The following PLCZ1 variants were observed in gnomAD, a reference collection of about 807,000 sequenced individuals.
PLCZ1 encodes 1-phosphatidylinositol 4,5-bisphosphate phosphodiesterase zeta-1.
Under a neutral mutation model 76.8 loss-of-function variants are expected in PLCZ1, and 64 were observed. The observed-to-expected ratio is 0.83, with a 90% CI of 0.68 to 1.03. The LOEUF is 1.03. PLCZ1 is among the 50% of genes least tolerant of loss of function. The probability of loss-of-function intolerance (pLI) is 0.00; values close to 1 mark genes in which losing one functional copy is unlikely to be tolerated. For synonymous variants in PLCZ1, 248 were observed against 230.8 expected (o/e 1.07, Z -0.68); for missense variants, 751 against 713.7 (o/e 1.05, Z -0.60).
At chr12:18,653,766 G>C in the PLCZ1 span, among the ~76,000 whole-genome samples, 3 of 152,054 alleles carry the variant, frequency 2.0e-5, no homozygotes, top group African/African-American at 7.2e-5. Context: ...TCAAACTACA[G>C]CTGCAATTAT....
At chr12:18,715,410 G>A (rs1310266007) in intron 5 of PLCZ1, among the ~76,000 whole-genome samples, 1 of 146,850 alleles carries the variant, frequency 6.8e-6, no homozygotes, top group Non-Finnish European at 1.5e-5. Context: ...TTTTTTTTTT[G>A]TTTTTTTTAG....
intron 1 of PLCZ1, chr12:18,737,726 T>C (rs1258812921): frequency 4.8e-6 from 2 of 419,170 alleles, no homozygotes; most frequent in African/African-American, 4.0e-5. Flanking sequence ...ACTGCCATTG[T>C]ATCTCCTTTT....
chr12:18,658,450 T>A, the PLCZ1 span, among the ~76,000 whole-genome samples: 2 of 152,054 alleles, frequency 1.3e-5, no homozygotes, highest in East Asian at 3.9e-4. Context: ...GAGAAGCAAG[T>A]CATTATGCAC....
intron 12 of PLCZ1, among the ~76,000 whole-genome samples, chr12:18,692,494 T>G (rs902527564): frequency 1.3e-5 from 2 of 152,160 alleles, no homozygotes; most frequent in East Asian, 3.9e-4. Context: ...CTTAGACAAC[T>G]GCTTTTATGC....
At chr12:18,695,551 A>C (rs1382470063) in intron 11 of PLCZ1, among the ~76,000 whole-genome samples, 1 of 152,038 alleles carries the variant, frequency 6.6e-6, no homozygotes, top group South Asian at 2.1e-4. Flanking sequence ...TAGCCTGGTA[A>C]ATAGCCACTG....
chr12:18,676,059 G>C, the PLCZ1 span, among the ~76,000 whole-genome samples: 5 of 151,938 alleles, frequency 3.3e-5, no homozygotes, highest in African/African-American at 1.2e-4. Flanking sequence ...CCATCAACAC[G>C]AGTCAATAGA....
the PLCZ1 span, among the ~76,000 whole-genome samples, chr12:18,671,716 G>C: frequency 3.3e-5 from 5 of 151,968 alleles, no homozygotes; most frequent in Non-Finnish European, 7.4e-5. Flanking sequence ...ATGAAGAAAA[G>C]GGAAATTTGA....
chr12:18,693,069 A>G, intron 12 of PLCZ1: 1 of 1,491,984 alleles, frequency 6.7e-7, no homozygotes, highest in Non-Finnish European at 9.3e-7. Context: ...GAAAAGATCA[A>G]AAGTGGATGA....
intron 5 of PLCZ1, among the ~76,000 whole-genome samples, chr12:18,716,122 G>A (rs927580778): frequency 1.8e-4 from 27 of 152,172 alleles, no homozygotes; most frequent in Non-Finnish European, 2.9e-4. Flanking sequence ...TAATTTCTAT[G>A]GAAGAATGTT....
chr12:18,658,682 GTAACTT>G, the PLCZ1 span, among the ~76,000 whole-genome samples: 1 of 152,024 alleles, frequency 6.6e-6, no homozygotes, highest in Non-Finnish European at 1.5e-5. Context: ...TAACCGACCT[GTAACTT>G]TAAGTATTTG....
At chr12:18,723,232 T>G in intron 4 of PLCZ1, 79 bp downstream of exon 4, 1 of 1,253,128 alleles carries the variant, frequency 8.0e-7, no homozygotes, top group Non-Finnish European at 1.1e-6. Context: ...AAAAATACTT[T>G]GCTTTGAAAT....
intron 6 of PLCZ1, among the ~76,000 whole-genome samples, chr12:18,708,181 A>G (rs1027393977): frequency 6.6e-6 from 1 of 151,864 alleles, no homozygotes; most frequent in African/African-American, 2.4e-5. Flanking sequence ...CTCCCTCCCC[A>G]CACCTCGTTC....
At chr12:18,719,259 C>T (rs1020366581) in intron 5 of PLCZ1, among the ~76,000 whole-genome samples, 172 bp downstream of exon 5, 7 of 152,146 alleles carry the variant, frequency 4.6e-5, no homozygotes, top group African/African-American at 1.4e-4. Context: ...GTTGCCACTT[C>T]ATCCAAATGT....
chr12:18,710,956 C>T (rs970334765), intron 6 of PLCZ1, among the ~76,000 whole-genome samples: 12 of 151,966 alleles, frequency 7.9e-5, no homozygotes. Context: ...CTAGTTCAAC[C>T]ATTGTGGAAG....
In PLCZ1 at chr12:18,683,284, G is replaced by T. The variant is rs1235794078; in HGVS notation, c.1782C>A (p.Ser594Arg). Residue 594 changes from serine (S) to arginine (R), a missense_variant, in exon 15 of 15, where the codon AGC becomes AGA. Coordinates refer to ENST00000266505, the MANE Select transcript of PLCZ1 (RefSeq NM_033123.4). ...RIPLFSRMGESLEPASLFVYV... is the reference protein window; with the variant it reads ...RIPLFSRMGERLEPASLFVYV... ...AAACAAACAGTGAAGCAGGCTCAAG[G>T]CTCTCACCCATTCTGGAAAACAGAG... 1.9e-6 allele frequency: 3 copies of T among 1,612,444 alleles called. No individual in the cohort carries two copies. Among genetic ancestry groups the T allele is most frequent in the Admixed American group, 1.7e-5 (1 of 59,826 alleles).
At chr12:18,717,711 T>A (rs973443213) in intron 5 of PLCZ1, among the ~76,000 whole-genome samples, 1 of 152,140 alleles carries the variant, frequency 6.6e-6, no homozygotes, top group African/African-American at 2.4e-5. Context: ...AATTTGGTTA[T>A]TGGAATGAAC....
chr12:18,708,920 G>A, intron 6 of PLCZ1, among the ~76,000 whole-genome samples: 1 of 152,010 alleles, frequency 6.6e-6, no homozygotes, highest in East Asian at 1.9e-4. Flanking sequence ...TCCCTTATCA[G>A]ATACATGGTT....
intron 3 of PLCZ1, among the ~76,000 whole-genome samples, chr12:18,726,079 A>C (rs1414019133): frequency 1.3e-5 from 2 of 152,164 alleles, no homozygotes; most frequent in Non-Finnish European, 2.9e-5. Context: ...GAAGATATTC[A>C]GAGTGTGGCC....
At position 18,688,548 on chromosome 12, in the gene PLCZ1, G is replaced by T. The variant is rs191798951; in HGVS notation, c.1462-330C>A. On this transcript the variant is annotated intron_variant, in intron 12 of 14. Transcript: ENST00000266505. ...GTTACTCTGATAACGTACTGTTTTT[G>T]AATTCATATATATATATATATATGC... Among the ~76,000 whole-genome samples, 937 of 149,852 alleles carry T rather than the reference G, an allele frequency of 6.3e-3. 10 individuals are homozygous for T. The highest frequency in any genetic ancestry group is 0.022 in the African/African-American group (882 of 40,358).
Sources: gnomAD v4.1 joint callset for allele counts (sites outside exome capture counted in the v4.1 genomes callset) on GRCh38, gnomAD v4.1.1 for gene constraint, MANE v1.5 for transcripts, NCBI Gene and HGNC (gene_info 2026-07-23, HGNC 2026-07-21) for gene names.